The following VIT variants were observed in gnomAD, a reference collection of about 807,000 sequenced individuals.
The protein encoded by VIT is vitrin.
A neutral mutation model predicts 78.0 loss-of-function variants in VIT; 99 were observed. The observed-to-expected ratio is 1.27, with a 90% confidence interval of 1.08 to 1.50. The LOEUF (loss-of-function observed/expected upper bound fraction) is 1.50. Ranked by LOEUF, VIT falls within the 40% of genes most tolerant of loss-of-function variation. The pLI is 0.00. For missense variants in VIT, 1,126 were observed against 875.3 expected, an observed-to-expected ratio of 1.29 and a Z score of -3.61; for synonymous variants, 374 against 334.3, an observed-to-expected ratio of 1.12 and a Z score of -1.29.
chr2:36,812,469 A>T (rs1416506465), intron 15 of VIT, among the ~76,000 whole-genome samples: 2 of 152,058 alleles, frequency 1.3e-5, no homozygotes, highest in African/African-American at 4.8e-5. Flanking sequence ...CCACAACCCA[A>T]ATCAAGACCC....
intron 4 of VIT, among the ~76,000 whole-genome samples, chr2:36,749,731 C>T (rs1039648549): frequency 4.6e-5 from 7 of 152,148 alleles, no homozygotes; most frequent in Non-Finnish European, 8.8e-5. Context: ...ACTCGGGAGT[C>T]GATACTTGGC....
intron 8 of VIT, 47 bp downstream of exon 8, chr2:36,773,894 G>T (rs755069055): frequency 6.4e-7 from 1 of 1,554,762 alleles, no homozygotes; most frequent in East Asian, 2.3e-5. Context: ...AGTTAAGCTT[G>T]TTTACATGCG....
chr2:36,777,297 G>C (rs866874477), intron 9 of VIT, among the ~76,000 whole-genome samples: 4 of 151,808 alleles, frequency 2.6e-5, no homozygotes, highest in East Asian at 2.0e-4. Context: ...GAACCTTTGA[G>C]AGTGCCTTAA....
At chr2:36,748,811 G>A (rs753394825) in intron 4 of VIT, among the ~76,000 whole-genome samples, 1 of 152,144 alleles carries the variant, frequency 6.6e-6, no homozygotes, top group Non-Finnish European at 1.5e-5. Context: ...TCACCTCTGT[G>A]TCTGCATTGC....
intron 1 of VIT, 103 bp from the exon 2 acceptor site, chr2:36,716,250 A>C (rs1179569506): frequency 2.3e-6 from 2 of 874,498 alleles, no homozygotes; most frequent in Non-Finnish European, 3.7e-6. Context: ...GTAAGACTCC[A>C]GAGGGCAATG....
intron 1 of VIT, among the ~76,000 whole-genome samples, chr2:36,700,819 A>G (rs1665007873): frequency 6.6e-6 from 1 of 152,096 alleles, no homozygotes; most frequent in Non-Finnish European, 1.5e-5. Context: ...AGCCCTTTTC[A>G]TATATCAATT....
intron 7 of VIT, among the ~76,000 whole-genome samples, chr2:36,771,059 C>T (rs1416350069): frequency 6.6e-6 from 1 of 152,226 alleles, no homozygotes; most frequent in Non-Finnish European, 1.5e-5. Context: ...TACCAACACT[C>T]ATCTCACCAG....
At chr2:36,812,272 C>T (rs1572592176) in intron 15 of VIT, among the ~76,000 whole-genome samples, 1 of 152,108 alleles carries the variant, frequency 6.6e-6, no homozygotes, top group East Asian at 1.9e-4. Context: ...CTCCCAGGCA[C>T]CCAGAAGATG....
intron 15 of VIT, among the ~76,000 whole-genome samples, chr2:36,810,988 G>T (rs1046035730): frequency 1.3e-5 from 2 of 152,234 alleles, no homozygotes; most frequent in African/African-American, 2.4e-5. Flanking sequence ...ATGGTTGAAA[G>T]CTACTTTCAT....
At chr2:36,793,213 T>A (rs1009478932) in intron 12 of VIT, among the ~76,000 whole-genome samples, 1 of 152,196 alleles carries the variant, frequency 6.6e-6, no homozygotes, top group African/African-American at 2.4e-5. Flanking sequence ...TGCACGTGAT[T>A]CACATTTACT....
chr2:36,715,365 A>G (rs1666061047), intron 1 of VIT, among the ~76,000 whole-genome samples: 1 of 152,026 alleles, frequency 6.6e-6, no homozygotes, highest in Non-Finnish European at 1.5e-5. Flanking sequence ...GGTGAAACCC[A>G]GTCTCTACTA....
intron 1 of VIT, among the ~76,000 whole-genome samples, chr2:36,703,743 G>A (rs1351347120): frequency 6.6e-6 from 1 of 152,152 alleles, no homozygotes; most frequent in Non-Finnish European, 1.5e-5. Context: ...ATCTCAAAAA[G>A]CCTGGGATAT....
chr2:36,755,871 TGG>T (rs1668728798), intron 5 of VIT, among the ~76,000 whole-genome samples: 1 of 152,096 alleles, frequency 6.6e-6, no homozygotes, highest in Non-Finnish European at 1.5e-5. Context: ...TTTTTCTTTT[TGG>T]TGCTCATATT....
intron 7 of VIT, among the ~76,000 whole-genome samples, chr2:36,773,470 T>A (rs9678937): frequency 6.6e-6 from 1 of 152,080 alleles, no homozygotes; most frequent in African/African-American, 2.4e-5. Flanking sequence ...ATTGGCCGGG[T>A]GTGGTGGCTC....
chr2:36,768,386 C>T (rs745731587), intron 7 of VIT, among the ~76,000 whole-genome samples: 2 of 152,094 alleles, frequency 1.3e-5, no homozygotes, highest in South Asian at 2.1e-4. Flanking sequence ...GAGCCGAGAT[C>T]GCACCACTGC....
chr2:36,805,197 A>G (rs746066519), intron 13 of VIT, among the ~76,000 whole-genome samples: 1 of 150,688 alleles, frequency 6.6e-6, no homozygotes, highest in Non-Finnish European at 1.5e-5. Context: ...CCTTCTACTC[A>G]GGAGGCTGAG....
chr2:36,785,968 T>G (rs1665065743), intron 11 of VIT, among the ~76,000 whole-genome samples: 2 of 152,184 alleles, frequency 1.3e-5, no homozygotes, highest in South Asian at 4.1e-4. Context: ...GCAACAACCC[T>G]CTCCACCTAC....
chr2:36,718,943 T>C (rs1325470869), intron 2 of VIT, among the ~76,000 whole-genome samples: 1 of 152,190 alleles, frequency 6.6e-6, no homozygotes, highest in Non-Finnish European at 1.5e-5. Context: ...TACAAGTTAG[T>C]AGGTTTCTAA....
At chr2:36,739,360 A>G (rs1354980046) in intron 3 of VIT, among the ~76,000 whole-genome samples, 1 of 152,204 alleles carries the variant, frequency 6.6e-6, no homozygotes, top group East Asian at 1.9e-4. Context: ...GGCTTGCTGT[A>G]TGTGACATCA....
Sources: gnomAD v4.1 joint callset for allele counts (sites outside exome capture counted in the v4.1 genomes callset) on GRCh38, gnomAD v4.1.1 for gene constraint, MANE v1.5 for transcripts, NCBI Gene and HGNC (gene_info 2026-07-23, HGNC 2026-07-21) for gene names.